HACD3: variants seen among roughly 807,000 people sequenced by gnomAD.
HACD3 encodes the protein very-long-chain (3R)-3-hydroxyacyl-CoA dehydratase 3.
Under a neutral mutation model 55.2 loss-of-function variants are expected in HACD3, and 30 were observed. The observed-to-expected ratio is 0.54, with a 90% CI of 0.41 to 0.74. The LOEUF (loss-of-function observed/expected upper bound fraction) is 0.74, where lower values mean the gene tolerates loss of function less well. Ranked by LOEUF, HACD3 falls within the 30% of genes least tolerant of loss-of-function variation. The probability of loss-of-function intolerance (pLI) is 0.00; values close to 1 mark genes in which losing one functional copy is unlikely to be tolerated. For missense variants in HACD3, 363 were observed against 440.1 expected (o/e 0.82, Z 1.57); for synonymous variants, 141 against 151.7 (o/e 0.93, Z 0.52).
intron 5 of HACD3, among the ~76,000 whole-genome samples, chr15:65,562,350 TAGAG>T (rs1391818625): frequency 6.6e-6 from 1 of 152,178 alleles, no homozygotes; most frequent in Non-Finnish European, 1.5e-5. Flanking sequence ...GGGAAGGTCA[TAGAG>T]GGAGATTCTG....
chr15:65,567,571 A>G (rs561108942), intron 7 of HACD3, among the ~76,000 whole-genome samples: 1 of 152,308 alleles, frequency 6.6e-6, no homozygotes, highest in South Asian at 2.1e-4. Context: ...AAAATTCTGA[A>G]GCTTTTTGAA....
At position 65,572,308 on chromosome 15, in the gene HACD3, G is replaced by A. The variant is rs1461521952; in HGVS notation, c.954G>A (p.Val318=). ...TCAGTTTCACATTGCCATATCCAGT[G>A]AAAATCAAAGTTAGATTTTCCTTTT... ...GRFSFTLPYP[V]KIKVRFSFFL... Residue 318 remains valine, a synonymous_variant, in exon 10 of 11, where the codon GTG becomes GTA. Coordinates refer to ENST00000261875, the MANE Select transcript of HACD3 (RefSeq NM_016395.4). 2 of 1,613,040 alleles carry A rather than the reference G, an allele frequency of 1.2e-6. No individual in the cohort carries two copies. The highest frequency in any genetic ancestry group is 2.7e-5 in the African/African-American group (2 of 74,864).
At chr15:65,530,757 G>C (rs779678571) in intron 1 of HACD3, 39 bp downstream of exon 1, 15 of 1,511,960 alleles carry the variant, frequency 9.9e-6, no homozygotes, top group Non-Finnish European at 1.2e-5. Context: ...GCGCGGGATC[G>C]CGGCTCCGGG....
chr15:65,544,880 G>C (rs1437227067), intron 1 of HACD3, among the ~76,000 whole-genome samples: 1 of 151,998 alleles, frequency 6.6e-6, no homozygotes, highest in African/African-American at 2.4e-5. Flanking sequence ...AATTAGCCGG[G>C]CGTGGTTGCA....
chr15:65,564,620 G>C, intron 7 of HACD3: 1 of 324,474 alleles, frequency 3.1e-6, no homozygotes, highest in Non-Finnish European at 5.7e-6. Context: ...GATCTCGTGA[G>C]ACTTATTCAC....
At chr15:65,571,490 A>G (rs1454235323) in intron 8 of HACD3, 58 bp from the exon 9 acceptor site, 5 of 1,193,566 alleles carry the variant, frequency 4.2e-6, no homozygotes, top group South Asian at 2.6e-5. Flanking sequence ...ATGATATTCT[A>G]AGGTTGCATT....
chr15:65,542,351 C>T lies in HACD3; in HGVS notation c.88-9325C>T, dbSNP rs552542009. Among the ~76,000 whole-genome samples the T allele has an allele frequency of 1.8e-4, 27 of 152,156 alleles. 1 individual carries two copies. The highest frequency in any genetic ancestry group is 1.5e-3 in the Admixed American group (23 of 15,288). On this transcript the variant is annotated intron_variant, in intron 1 of 10. Coordinates refer to ENST00000261875, the MANE Select transcript of HACD3 (RefSeq NM_016395.4). ...TGATCCTGGCTCACTGCAGTCTCCA[C>T]CTCTCAGGCCCAAGTGAACCTCCTA...
At chr15:65,570,241 C>G (rs2072335191) in intron 8 of HACD3, 38 bp downstream of exon 8, 1 of 1,393,300 alleles carries the variant, frequency 7.2e-7, no homozygotes, top group African/African-American at 1.4e-5. Flanking sequence ...GAATGCTGCT[C>G]CCTGTTTGCA....
chr15:65,564,624 T>A (rs1452345006), intron 7 of HACD3: 3 of 315,754 alleles, frequency 9.5e-6, no homozygotes, highest in Non-Finnish European at 1.8e-5. Context: ...TCGTGAGACT[T>A]ATTCACTATC....
At chr15:65,565,455 C>T (rs1165442451) in intron 7 of HACD3, 2 of 152,298 alleles carry the variant, frequency 1.3e-5, no homozygotes, top group African/African-American at 4.8e-5. Context: ...TTCCATACAT[C>T]TTCTGAAATC....
intron 10 of HACD3, among the ~76,000 whole-genome samples, chr15:65,574,794 C>T (rs1443975383): frequency 6.6e-6 from 1 of 152,144 alleles, no homozygotes; most frequent in Non-Finnish European, 1.5e-5. Flanking sequence ...AAATGTTTTG[C>T]CCTTGAAGAG....
At chr15:65,536,337 T>A (rs886417837) in intron 1 of HACD3, among the ~76,000 whole-genome samples, 5 of 152,022 alleles carry the variant, frequency 3.3e-5, no homozygotes, top group African/African-American at 1.2e-4. Flanking sequence ...AATGCACCTA[T>A]ATAAGATGGT....
intron 1 of HACD3, among the ~76,000 whole-genome samples, chr15:65,545,316 G>A (rs1229660163): frequency 6.6e-6 from 1 of 152,136 alleles, no homozygotes; most frequent in African/African-American, 2.4e-5. Context: ...TTAATATGAA[G>A]GAATGGCCAG....
chr15:65,576,579 G>GAT lies in HACD3; in HGVS notation c.*201_*202dup, dbSNP rs2072403708. 1.8e-5 allele frequency: 11 copies of GAT among 621,812 alleles called. No individual in the cohort carries two copies. In the East Asian group the frequency reaches 3.2e-4, roughly 18 times the overall value. 38.5% of individuals were successfully genotyped at this position (621,812 alleles called of 1,614,324 possible). On this transcript the variant is annotated 3_prime_UTR_variant, in exon 11 of 11. Coordinates refer to ENST00000261875, the MANE Select transcript of HACD3 (RefSeq NM_016395.4). Reference sequence around the variant, plus strand: ...TGCATGACATGGATTCCTGATATCTGATGAGAGGTTCATTCTTGTGTATTC... The same window carrying GAT: ...TGCATGACATGGATTCCTGATATCTGATATGAGAGGTTCATTCTTGTGTATTC...
chr15:65,557,567 T>C (rs140350732), intron 4 of HACD3, among the ~76,000 whole-genome samples: 2 of 152,318 alleles, frequency 1.3e-5, no homozygotes, highest in African/African-American at 4.8e-5. Context: ...ATCAGGTTTC[T>C]CTACCATAAG....
chr15:65,576,259 T>C lies in HACD3; in HGVS notation c.1013-44T>C, dbSNP rs896391514. ...TGCCACAAGAGCTTCTGGTTATAAA[T>C]AGACAAAGACTCTAATTTCTAATTG... On this transcript the variant is annotated intron_variant, in intron 10 of 10. Transcript: ENST00000261875. 3.9e-6 allele frequency: 6 copies of C among 1,549,368 alleles called. No individual in the cohort carries two copies. The African/African-American group carries it at 4.1e-5, about 11-fold the overall frequency.
rs780660331 is a variant in HACD3, at chr15:65,571,553, C to G, written c.779C>G (p.Ser260Cys). The change falls in exon 9 of 11, where the codon TCT becomes TGT. Residue 260 changes from serine to cysteine, a missense_variant. Ser to Cys is a moderately radical substitution (Grantham distance 112). Transcript: ENST00000261875. ...GAATCATTTATTTTCAATAGGTACTCTTTCTACATGCTGACGTGCATTGAC... is the reference window on the plus strand; with the variant it reads ...GAATCATTTATTTTCAATAGGTACTGTTTCTACATGCTGACGTGCATTGAC... Reference protein sequence around the residue: ...LWSAIEIFRYSFYMLTCIDMD... With the variant: ...LWSAIEIFRYCFYMLTCIDMD... 1 of 1,612,434 alleles carries G rather than the reference C, an allele frequency of 6.2e-7. No individual in the cohort carries two copies. The highest frequency in any genetic ancestry group is 8.5e-7 in the Non-Finnish European group (1 of 1,178,656).
chr15:65,574,763 T>C (rs1374916588), intron 10 of HACD3, among the ~76,000 whole-genome samples: 1 of 152,208 alleles, frequency 6.6e-6, no homozygotes, highest in Admixed American at 6.5e-5. Context: ...ATTTCAGAAA[T>C]ATTGCCAACC....
rs1171390014 is a variant in HACD3 at position 65,578,082 on chromosome 15, T to C, written c.*1703T>C. ...TGGAAACTTGGTTTGACCTAAAACA[T>C]CTGATTAATATAGGCTAGCTGATTT... On this transcript the variant is annotated 3_prime_UTR_variant, in exon 11 of 11. Transcript: ENST00000261875. 1 of 152,206 alleles carries C rather than the reference T, an allele frequency of 6.6e-6. No individual in the cohort carries two copies. The highest frequency in any genetic ancestry group is 1.5e-5 in the Non-Finnish European group (1 of 68,026). 9.4% of individuals were successfully genotyped at this position (152,206 alleles called of 1,614,324 possible). A position where few individuals can be genotyped will look rare whatever the true frequency, so the allele number is the denominator to read the frequency against.
Sources: allele counts gnomAD v4.1 joint callset (sites outside exome capture counted in the v4.1 genomes callset), GRCh38; gene constraint gnomAD v4.1.1; transcripts MANE v1.5; gene names NCBI Gene and HGNC (gene_info 2026-07-23, HGNC 2026-07-21).